IL1RAPL2: variants seen among roughly 807,000 people sequenced by gnomAD.
IL1RAPL2 encodes X-linked interleukin-1 receptor accessory protein-like 2.
A neutral mutation model predicts 44.1 loss-of-function variants in IL1RAPL2; 3 were observed. The observed-to-expected ratio is 0.07, with a 90% CI of 0.03 to 0.18. The LOEUF (loss-of-function observed/expected upper bound fraction) is 0.18. IL1RAPL2 is among the 10% of genes least tolerant of loss of function. The pLI is 1.00. For synonymous variants in IL1RAPL2, 181 were observed against 178.8 expected, an observed-to-expected ratio of 1.01 and a Z score of -0.10; for missense variants, 391 against 496.4, an observed-to-expected ratio of 0.79 and a Z score of 2.02.
intron 2 of IL1RAPL2, among the ~76,000 whole-genome samples, chrX:104,749,561 T>C (rs1481109292): frequency 8.9e-6 from 1 of 112,055 alleles, no homozygotes; most frequent in Non-Finnish European, 1.9e-5. Context: ...AATGTCAATT[T>C]TTCCATGACC....
intron 5 of IL1RAPL2, among the ~76,000 whole-genome samples, chrX:105,286,090 A>C (rs1489180392): frequency 9.0e-6 from 1 of 111,700 alleles, no homozygotes; most frequent in African/African-American, 3.3e-5. Flanking sequence ...CTAGTTTATG[A>C]ATATTAAAGT....
chrX:105,447,202 TATATAAATATATATA>T lies in IL1RAPL2; in HGVS notation c.698-37109_698-37095del, dbSNP rs2035967493. Among the ~76,000 whole-genome samples the T allele has an allele frequency of 3.4e-3, 49 of 14,286 alleles. 4 individuals carry two copies. The African/African-American group carries it at 0.061, about 18-fold the overall frequency. The allele number at this position is 14,286 out of a possible 115,157, so 12.4% of individuals were successfully genotyped here. A position where few individuals can be genotyped will look rare whatever the true frequency, so the allele number is the denominator to read the frequency against. ...ATATAAATATAAATATATATAAATA[TATATAAATATATATA>T]AAATATATATAAATATATATATAAA... On this transcript the variant is annotated intron_variant, in intron 5 of 10. Transcript: ENST00000372582.
At position 105,354,019 on chromosome X, in the gene IL1RAPL2, A is replaced by G. The variant is rs765433973; in HGVS notation, c.697+86478A>G. Among the ~76,000 whole-genome samples, 436 of 111,077 alleles carry G rather than the reference A, an allele frequency of 3.9e-3. 2 individuals carry two copies. The highest frequency in any genetic ancestry group is 0.013 in the African/African-American group (397 of 30,572). On this transcript the variant is annotated intron_variant, in intron 5 of 10. Transcript: ENST00000372582. ...CATCCCTGTCTTGTGCCAGTTTTCA[A>G]AGGGAATGCTTCCAGTTTTTGCCCA...
At chrX:104,921,752 C>T (rs1437400730) in intron 2 of IL1RAPL2, among the ~76,000 whole-genome samples, 1 of 112,580 alleles carries the variant, frequency 8.9e-6, no homozygotes, top group Non-Finnish European at 1.9e-5. Context: ...GGCCTGATAG[C>T]CATGGTTTCT....
At chrX:105,283,311 A>G (rs1040491968) in intron 5 of IL1RAPL2, among the ~76,000 whole-genome samples, 4 of 111,603 alleles carry the variant, frequency 3.6e-5, no homozygotes, top group Non-Finnish European at 5.6e-5. Flanking sequence ...AAGGAAAATA[A>G]CAAAGACTAA....
At chrX:104,656,088 T>G (rs894662028) in intron 1 of IL1RAPL2, among the ~76,000 whole-genome samples, 3 of 111,258 alleles carry the variant, frequency 2.7e-5, no homozygotes, top group African/African-American at 9.8e-5. Context: ...ATCTTGCTAG[T>G]GGTCTATCAA....
intron 2 of IL1RAPL2, among the ~76,000 whole-genome samples, chrX:104,833,124 A>G (rs1921655351): frequency 9.0e-6 from 1 of 111,408 alleles, no homozygotes; most frequent in Non-Finnish European, 1.9e-5. Flanking sequence ...TTTAATATAC[A>G]GTGTAAGTGT....
chrX:105,388,536 A>G (rs1051484803), intron 5 of IL1RAPL2, among the ~76,000 whole-genome samples: 1 of 110,189 alleles, frequency 9.1e-6, no homozygotes, highest in African/African-American at 3.3e-5. Context: ...CTTCAGGTTT[A>G]TAAGAACAAG....
intron 6 of IL1RAPL2, among the ~76,000 whole-genome samples, chrX:105,617,868 CA>C (rs994546507): frequency 2.7e-5 from 3 of 111,697 alleles, no homozygotes; most frequent in African/African-American, 9.8e-5. Flanking sequence ...GATTATCTGA[CA>C]GGGATTAGAT....
At chrX:104,884,930 A>G (rs909110985) in intron 2 of IL1RAPL2, among the ~76,000 whole-genome samples, 4 of 111,130 alleles carry the variant, frequency 3.6e-5, no homozygotes, top group Non-Finnish European at 7.5e-5. Context: ...CCCCCAGGCT[A>G]TCGGTTATGT....
intron 4 of IL1RAPL2, among the ~76,000 whole-genome samples, chrX:105,257,790 T>G (rs2034327400): frequency 8.9e-6 from 1 of 112,364 alleles, no homozygotes; most frequent in Non-Finnish European, 1.9e-5. Context: ...TTGGTAGATT[T>G]TCCTTCACCT....
At chrX:104,921,743 G>A (rs1314099464) in intron 2 of IL1RAPL2, among the ~76,000 whole-genome samples, 3 of 112,749 alleles carry the variant, frequency 2.7e-5, no homozygotes, top group African/African-American at 9.7e-5. Context: ...GAAGGGTGTG[G>A]CCTGATAGCC....
chrX:104,727,509 A>T (rs1168628888), intron 2 of IL1RAPL2, among the ~76,000 whole-genome samples: 1 of 111,570 alleles, frequency 9.0e-6, no homozygotes, highest in African/African-American at 3.3e-5. Context: ...TACAACCTTT[A>T]TGGAAAACGG....
intron 2 of IL1RAPL2, among the ~76,000 whole-genome samples, chrX:104,888,126 C>T (rs1923306093): frequency 9.0e-6 from 1 of 110,607 alleles, no homozygotes; most frequent in Non-Finnish European, 1.9e-5. Context: ...GGCAGTCTTA[C>T]ACCGCCAAAG....
intron 1 of IL1RAPL2, among the ~76,000 whole-genome samples, chrX:104,604,633 CAAAAAAAAAAA>C (rs36050333): frequency 9.6e-5 from 3 of 31,102 alleles, no homozygotes; most frequent in Admixed American, 5.3e-4. Flanking sequence ...AAATGCATAG[CAAAAAAAAAAA>C]AAAAAAAAAA....
At chrX:105,450,523 A>G (rs2036011895) in intron 5 of IL1RAPL2, among the ~76,000 whole-genome samples, 1 of 111,759 alleles carries the variant, frequency 8.9e-6, no homozygotes, top group Admixed American at 9.5e-5. Context: ...CCATTAAACC[A>G]GTAATAAATT....
intron 4 of IL1RAPL2, among the ~76,000 whole-genome samples, chrX:105,266,771 A>G (rs2034406325): frequency 1.8e-5 from 2 of 111,497 alleles, no homozygotes; most frequent in African/African-American, 6.5e-5. Flanking sequence ...TTACCTAGCT[A>G]TGTTTCTAGA....
intron 5 of IL1RAPL2, among the ~76,000 whole-genome samples, chrX:105,383,815 T>C (rs1357744432): frequency 2.7e-5 from 3 of 112,117 alleles, no homozygotes; most frequent in Non-Finnish European, 5.6e-5. Context: ...TGCAGTGAGA[T>C]CATATCTCAT....
At chrX:105,142,896 C>A (rs138902175) in intron 2 of IL1RAPL2, among the ~76,000 whole-genome samples, 270 of 109,888 alleles carry the variant, frequency 2.5e-3, no homozygotes, top group African/African-American at 8.7e-3. Flanking sequence ...TTTGTCCTTG[C>A]GATAGTTTGC....
Sources: allele counts gnomAD v4.1 joint callset (sites outside exome capture counted in the v4.1 genomes callset), GRCh38; gene constraint gnomAD v4.1.1; transcripts MANE v1.5; gene names NCBI Gene and HGNC (gene_info 2026-07-23, HGNC 2026-07-21).